IL16: variants seen among roughly 807,000 people sequenced by gnomAD.
IL16 encodes the protein pro-interleukin-16.
IL16 carries 67 observed loss-of-function variants against 110.1 expected under a neutral mutation model. The observed-to-expected ratio is 0.61, with a 90% confidence interval of 0.50 to 0.75. IL16 has a LOEUF of 0.75. Among genes scored for constraint, IL16 ranks in the 30% least tolerant of loss-of-function variants. The pLI is 0.00. For missense variants in IL16, 1,545 were observed against 1,655.0 expected, an observed-to-expected ratio of 0.93 and a Z score of 1.15; for synonymous variants, 689 against 662.9, an observed-to-expected ratio of 1.04 and a Z score of -0.61.
intron 1 of IL16, among the ~76,000 whole-genome samples, chr15:81,184,004 A>C (rs937821040): frequency 1.2e-4 from 18 of 152,212 alleles, no homozygotes; most frequent in African/African-American, 4.3e-4. Flanking sequence ...CTCTCACAGC[A>C]ACCATCATAG....
chr15:81,288,162 G>A (rs146527060), intron 10 of IL16, among the ~76,000 whole-genome samples: 227 of 152,290 alleles, frequency 1.5e-3, no homozygotes, highest in African/African-American at 5.2e-3. Context: ...GCAGAAAGAC[G>A]AAGACACCCT....
At chr15:81,276,245 C>A (rs1295161387) in intron 6 of IL16, among the ~76,000 whole-genome samples, 1 of 152,236 alleles carries the variant, frequency 6.6e-6, no homozygotes, top group Admixed American at 6.5e-5. Flanking sequence ...CCCCACCCTG[C>A]CTCCAGCCCC....
In IL16 at chr15:81,299,784, C is replaced by T. The variant is rs778107899; in HGVS notation, c.2458C>T (p.Pro820Ser). The T allele has an allele frequency of 1.9e-6, 3 of 1,614,022 alleles. No individual in the cohort carries two copies. The African/African-American group carries it at 4.0e-5, about 22-fold the overall frequency. The change falls in exon 14 of 19, where the codon CCT becomes TCT. Residue 820 changes from proline (P) to serine (S), a missense_variant. Physicochemically the swap from Pro to Ser is moderately conservative, Grantham distance 74 (BLOSUM62 -1). Transcript: ENST00000683961. Reference protein sequence around the residue: ...PDPALSTQPAPASREHLGSHI... With the variant: ...PDPALSTQPASASREHLGSHI... Reference sequence around the variant, plus strand: ...TCCTGCCTTGTCCACCCAGCCAGCACCTGCTTCCAGGGAGCACCTAGGATC... The same window carrying T: ...TCCTGCCTTGTCCACCCAGCCAGCATCTGCTTCCAGGGAGCACCTAGGATC...
chr15:81,293,681 C>T (rs1899851813), intron 12 of IL16, among the ~76,000 whole-genome samples: 1 of 152,162 alleles, frequency 6.6e-6, no homozygotes, highest in Non-Finnish European at 1.5e-5. Flanking sequence ...CCACTTAAGG[C>T]AAGTACCTGA....
intron 1 of IL16, among the ~76,000 whole-genome samples, chr15:81,206,870 A>G (rs1344519955): frequency 6.6e-6 from 1 of 151,432 alleles, no homozygotes; most frequent in African/African-American, 2.4e-5. Flanking sequence ...TTAAATAATG[A>G]TGATGATGAT....
rs764409464 is a variant in IL16, at chr15:81,303,692, T to C, written c.3420+42T>C. The C allele has an allele frequency of 4.5e-6, 6 of 1,329,698 alleles. No homozygotes were observed. Among genetic ancestry groups the C allele is most frequent in the Non-Finnish European group, 6.5e-6 (6 of 921,508 alleles). 82.4% of individuals were successfully genotyped at this position (1,329,698 alleles called of 1,614,324 possible). A position where few individuals can be genotyped will look rare whatever the true frequency, so the allele number is the denominator to read the frequency against. On this transcript the variant is annotated intron_variant, in intron 16 of 18. Coordinates refer to ENST00000683961, the MANE Select transcript of IL16 (RefSeq NM_172217.5). The surrounding 1 kb of genome is among the most constrained non-coding windows in gnomAD (Gnocchi z 4.1). The stretch of plus-strand genomic sequence containing the variant: ...AGGGGCATGTCACAGCCAGAGGCAA[T>C]GGTTCTGGGGGAGGGGGACACACTT...
chr15:81,252,524 T>C (rs868461251), intron 2 of IL16, among the ~76,000 whole-genome samples: 3 of 152,208 alleles, frequency 2.0e-5, no homozygotes, highest in Non-Finnish European at 2.9e-5. Context: ...TAAAGTGTAA[T>C]GTTAAATGGT....
intron 1 of IL16, among the ~76,000 whole-genome samples, chr15:81,211,679 C>T (rs1273813917): frequency 7.2e-5 from 11 of 152,206 alleles, no homozygotes; most frequent in Admixed American, 7.2e-4. Context: ...TGAGCCACTG[C>T]ACTTGGCCAT....
chr15:81,282,118 C>G (rs1282061545), intron 8 of IL16, among the ~76,000 whole-genome samples: 1 of 152,228 alleles, frequency 6.6e-6, no homozygotes, highest in Non-Finnish European at 1.5e-5. Context: ...GTGCTGCTCT[C>G]CCATGCAGGC....
intron 10 of IL16, chr15:81,289,927 G>A (rs1330641004): frequency 6.6e-6 from 3 of 454,480 alleles, no homozygotes; most frequent in Non-Finnish European, 1.3e-5. Flanking sequence ...AGGCTCAGGA[G>A]GTTAAGTAAC....
chr15:81,198,076 G>A (rs1210651360), intron 1 of IL16, among the ~76,000 whole-genome samples: 3 of 152,058 alleles, frequency 2.0e-5, no homozygotes, highest in South Asian at 2.1e-4. Flanking sequence ...CAACATTTAC[G>A]AGCACAGTAG....
chr15:81,201,642 A>T (rs1407963536), intron 1 of IL16, among the ~76,000 whole-genome samples: 1 of 152,124 alleles, frequency 6.6e-6, no homozygotes, highest in East Asian at 1.9e-4. Flanking sequence ...TGGTGTATAC[A>T]AATTTATTAG....
At chr15:81,206,180 G>A (rs1896011047) in intron 1 of IL16, among the ~76,000 whole-genome samples, 1 of 152,188 alleles carries the variant, frequency 6.6e-6, no homozygotes, top group South Asian at 2.1e-4. Context: ...GCATGGCAAT[G>A]AAGATAAGTT....
At chr15:81,203,134 T>C (rs562205518) in intron 1 of IL16, among the ~76,000 whole-genome samples, 45 of 151,030 alleles carry the variant, frequency 3.0e-4, no homozygotes, top group African/African-American at 9.9e-4. Context: ...TTTTGAGAAG[T>C]GTCTGTTCAT....
chr15:81,264,655 C>G (rs1898296273), intron 3 of IL16, among the ~76,000 whole-genome samples: 1 of 152,166 alleles, frequency 6.6e-6, no homozygotes. Context: ...AAACCCTGCC[C>G]CTCTCCTGGC....
chr15:81,189,392 G>A (rs975636788), intron 1 of IL16, among the ~76,000 whole-genome samples: 84 of 152,190 alleles, frequency 5.5e-4, no homozygotes, highest in African/African-American at 1.9e-3. Flanking sequence ...CTAAAGTGCT[G>A]GGATTACAAG....
intron 1 of IL16, among the ~76,000 whole-genome samples, chr15:81,212,142 G>A (rs1277181907): frequency 6.6e-6 from 1 of 151,252 alleles, no homozygotes; most frequent in African/African-American, 2.4e-5. Context: ...TTTTTTTTTG[G>A]TTGACAGGTT....
At position 81,259,802 on chromosome 15, in the gene IL16, C is replaced by G. The variant is rs1202921149; in HGVS notation, c.343C>G (p.Pro115Ala). 6 of 1,613,670 alleles carry G rather than the reference C, an allele frequency of 3.7e-6. No homozygotes were observed. Among genetic ancestry groups the G allele is most frequent in the Non-Finnish European group, 1.7e-6 (2 of 1,179,664 alleles). Residue 115 changes from proline (P) to alanine (A), a missense_variant, in exon 3 of 19, where the codon CCT becomes GCT. Physicochemically the swap from Pro to Ala is conservative, Grantham distance 27. This residue lies in a region of IL16 where 1,185 missense variants were observed against 1,238.8 expected (regional missense o/e 0.96). Transcript: ENST00000683961. ...ESSTASSREKPGKLEAQSSNF... is the reference protein window; with the variant it reads ...ESSTASSREKAGKLEAQSSNF... ...TTCCACAGCTTCCTCTCGAGAAAAG[C>G]CTGGAAAACTAGAAGCACAAAGTAG...
intron 2 of IL16, among the ~76,000 whole-genome samples, chr15:81,248,808 C>G (rs1031581864): frequency 6.6e-6 from 1 of 150,512 alleles, no homozygotes; most frequent in African/African-American, 2.4e-5. Context: ...GCAAACTCCA[C>G]CCCCTGGGTT....
Sources: gnomAD v4.1 joint callset for allele counts (sites outside exome capture counted in the v4.1 genomes callset) on GRCh38, gnomAD v4.1.1 for gene constraint, gnomAD v4.1.1 regional missense constraint, Gnocchi (gnomAD v3.1) non-coding constraint, MANE v1.5 for transcripts, NCBI Gene and HGNC (gene_info 2026-07-23, HGNC 2026-07-21) for gene names.